KAT7: variants seen among roughly 807,000 people sequenced by gnomAD.
The protein encoded by KAT7 is lysine acetyltransferase 7.
Under a neutral mutation model 82.1 loss-of-function variants are expected in KAT7, and 10 were observed. The ratio of observed to expected loss-of-function variants is 0.12; its 90% confidence interval spans 0.08 to 0.21. KAT7 has a LOEUF of 0.21. Ranked by LOEUF, KAT7 falls within the 10% of genes least tolerant of loss-of-function variation. The pLI, the probability that KAT7 is intolerant of heterozygous loss-of-function variation, is 1.00. For missense variants in KAT7, 378 were observed against 760.9 expected, an observed-to-expected ratio of 0.50 and a Z score of 5.92; for synonymous variants, 250 against 262.5, an observed-to-expected ratio of 0.95 and a Z score of 0.46.
At chr17:49,820,094 A>C (rs1431940410) in intron 9 of KAT7, among the ~76,000 whole-genome samples, 3 of 152,180 alleles carry the variant, frequency 2.0e-5, no homozygotes, top group Non-Finnish European at 4.4e-5. Flanking sequence ...GTTGCTTCAA[A>C]ACCCTTTTGA....
chr17:49,788,826 C>G lies in KAT7; in HGVS notation c.-9C>G, dbSNP rs1267234048. On this transcript the variant is annotated 5_prime_UTR_variant, in exon 1 of 15. Coordinates refer to ENST00000259021, the MANE Select transcript of KAT7 (RefSeq NM_007067.5). ...CCGAATCGGAACCGTCGGGCCGCAG[C>G]CGCCGGCAATGCCGCGAAGGAAGGT... is the stretch of plus-strand genomic sequence containing the variant. 6.3e-7 allele frequency: 1 copy of G among 1,584,536 alleles called. No individual in the cohort carries two copies. The highest frequency in any genetic ancestry group is 1.1e-5 in the South Asian group (1 of 88,586).
At chr17:49,821,866 A>G (rs2074307797) in intron 11 of KAT7, 76 bp downstream of exon 11, 11 of 1,357,416 alleles carry the variant, frequency 8.1e-6, no homozygotes, top group Middle Eastern at 3.6e-4. Context: ...GGCTCAAATC[A>G]CTGACAGGAA....
rs2143819960 is a variant in KAT7, at chr17:49,788,858, C to T, written c.15+9C>T. On this transcript the variant is annotated intron_variant, in intron 1 of 14. Coordinates refer to ENST00000259021, the MANE Select transcript of KAT7 (RefSeq NM_007067.5). ...CAATGCCGCGAAGGAAGGTGAGAAA[C>T]GGGAGAGGAGGGATGGCGGGTTTCT... 6.3e-7 allele frequency: 1 copy of T among 1,587,438 alleles called. No homozygotes were observed. The highest frequency in any genetic ancestry group is 8.6e-7 in the Non-Finnish European group (1 of 1,164,848).
intron 3 of KAT7, among the ~76,000 whole-genome samples, chr17:49,797,979 T>C (rs998221639): frequency 1.3e-5 from 2 of 152,244 alleles, no homozygotes; most frequent in African/African-American, 4.8e-5. Context: ...CTGTCACTTA[T>C]CTTCTGTCCT....
intron 6 of KAT7, 97 bp downstream of exon 6, chr17:49,809,305 C>T: frequency 1.2e-6 from 1 of 817,104 alleles, no homozygotes; most frequent in Non-Finnish European, 2.0e-6. Flanking sequence ...GCCTCATTTC[C>T]TGTGGTATAT....
intron 4 of KAT7, 78 bp from the exon 5 acceptor site, chr17:49,805,285 A>G (rs566646014): frequency 2.1e-6 from 2 of 960,476 alleles, no homozygotes; most frequent in South Asian, 1.4e-5. Flanking sequence ...TAGCAAAAAA[A>G]CAGGTTTGTC....
At chr17:49,824,414 C>G (rs2074342803) in intron 12 of KAT7, 1 of 152,230 alleles carries the variant, frequency 6.6e-6, no homozygotes, top group African/African-American at 2.4e-5. Context: ...GGCTGGAGCA[C>G]AATGGCCCAA....
intron 5 of KAT7, 91 bp downstream of exon 5, chr17:49,805,536 C>A: frequency 1.2e-6 from 1 of 800,356 alleles, no homozygotes; most frequent in Non-Finnish European, 2.1e-6. Flanking sequence ...CAGTGGCCAA[C>A]AAGATGGGTA....
intron 2 of KAT7, among the ~76,000 whole-genome samples, chr17:49,792,523 C>T (rs537935635): frequency 6.6e-6 from 1 of 152,022 alleles, no homozygotes; most frequent in South Asian, 2.1e-4. Flanking sequence ...TTTTCCTGGG[C>T]CAGTGATATG....
In KAT7 at chr17:49,828,620, C is replaced by T. The variant is rs968363905; in HGVS notation, c.*1118C>T. On this transcript the variant is annotated 3_prime_UTR_variant, in exon 15 of 15. Coordinates refer to ENST00000259021, the MANE Select transcript of KAT7 (RefSeq NM_007067.5). ...TGCTTCTGCCCTTCCACGAACTCCT[C>T]CTCCATTTCCTTTTTGGGATTTGTC... 3 of 152,654 alleles carry T rather than the reference C, an allele frequency of 2.0e-5. No individual in the cohort carries two copies. The highest frequency in any genetic ancestry group is 7.2e-5 in the African/African-American group (3 of 41,440). 9.5% of individuals were successfully genotyped at this position (152,654 alleles called of 1,614,324 possible).
rs1255954756 is a variant in KAT7 at position 49,805,424 on chromosome 17, C to T, written c.642C>T (p.Asn214=). ...TCTCAGGATGCCCACTGTATCATAA[C>T]CTCTCAGCTGACGAATGCAAGGTAA... ...FSISGCPLYH[N]LSADECKVRA... The change falls in exon 5 of 15, where the codon AAC becomes AAT. Residue 214 remains asparagine, a synonymous_variant. Coordinates refer to ENST00000259021, the MANE Select transcript of KAT7 (RefSeq NM_007067.5). 1 of 1,611,834 alleles carries T rather than the reference C, an allele frequency of 6.2e-7. No individual in the cohort carries two copies. Among genetic ancestry groups the T allele is most frequent in the Non-Finnish European group, 8.5e-7 (1 of 1,177,970 alleles).
rs1370043536 is a variant in KAT7, at chr17:49,829,129, T to C, written c.*1627T>C. 2 of 152,486 alleles carry C rather than the reference T, an allele frequency of 1.3e-5. No homozygotes were observed. The highest frequency in any genetic ancestry group is 2.9e-5 in the Non-Finnish European group (2 of 68,042). The allele number at this position is 152,486 out of a possible 1,614,324, so 9.4% of individuals were successfully genotyped here. A position where few individuals can be genotyped will look rare whatever the true frequency, so the allele number is the denominator to read the frequency against. On this transcript the variant is annotated 3_prime_UTR_variant, in exon 15 of 15. Transcript: ENST00000259021. Reference sequence around the variant, plus strand: ...TCATCTGGGGGCTCTCATTTATATATGAAAATGATGCACACGATCTGCTAC... The same window carrying C: ...TCATCTGGGGGCTCTCATTTATATACGAAAATGATGCACACGATCTGCTAC...
rs1598086965 is a variant in KAT7 at position 49,821,756 on chromosome 17, A to G, written c.1352A>G (p.Asn451Ser). ...FLFYVMTEADNTGCHLIGYFS... is the reference protein window; with the variant it reads ...FLFYVMTEADSTGCHLIGYFS... ...TTCTATGTTATGACAGAGGCGGACA[A>G]CACTGGCTGTCACCTGATTGGATAT... Residue 451 changes from asparagine to serine, a missense_variant, in exon 11 of 15, where the codon AAC becomes AGC. Transcript: ENST00000259021. The G allele has an allele frequency of 1.2e-6, 2 of 1,614,018 alleles. No homozygotes were observed. The highest frequency in any genetic ancestry group is 2.2e-5 in the East Asian group (1 of 44,880).
chr17:49,800,608 T>C (rs1277127635), intron 4 of KAT7, among the ~76,000 whole-genome samples: 1 of 152,208 alleles, frequency 6.6e-6, no homozygotes, highest in South Asian at 2.1e-4. Context: ...GTTAATTTTA[T>C]GTACTATATT....
intron 5 of KAT7, among the ~76,000 whole-genome samples, chr17:49,808,768 A>G (rs1380633924): frequency 2.6e-5 from 4 of 152,070 alleles, no homozygotes; most frequent in Non-Finnish European, 5.9e-5. Flanking sequence ...CAGGTTTTCT[A>G]ATGTTTTCTT....
At chr17:49,814,639 G>A (rs2074211536) in intron 7 of KAT7, among the ~76,000 whole-genome samples, 1 of 151,870 alleles carries the variant, frequency 6.6e-6, no homozygotes, top group African/African-American at 2.4e-5. Flanking sequence ...CATCTGCTCT[G>A]CTTTTTAGTA....
chr17:49,814,656 G>C (rs567151561), intron 7 of KAT7, among the ~76,000 whole-genome samples: 4 of 151,828 alleles, frequency 2.6e-5, no homozygotes, highest in African/African-American at 9.7e-5. Flanking sequence ...AGTAATTTGG[G>C]ATAGGTTATT....
intron 9 of KAT7, among the ~76,000 whole-genome samples, chr17:49,820,847 G>A (rs1430093083): frequency 4.6e-5 from 7 of 150,914 alleles, no homozygotes; most frequent in Non-Finnish European, 8.8e-5. Flanking sequence ...AGGGCAGACA[G>A]GTAGTGGTAC....
intron 4 of KAT7, among the ~76,000 whole-genome samples, chr17:49,799,936 C>A (rs1417710608): frequency 6.6e-6 from 1 of 151,202 alleles, no homozygotes; most frequent in Admixed American, 6.6e-5. Context: ...TGCTGAGTAG[C>A]TGGGACTACA....
Sources: allele counts gnomAD v4.1 joint callset (sites outside exome capture counted in the v4.1 genomes callset), GRCh38; gene constraint gnomAD v4.1.1; transcripts MANE v1.5; gene names NCBI Gene and HGNC (gene_info 2026-07-23, HGNC 2026-07-21).